LDB2: variants seen among roughly 807,000 people sequenced by gnomAD.
LDB2 encodes LIM domain binding 2.
A neutral mutation model predicts 44.3 loss-of-function variants in LDB2; 12 were observed. The observed-to-expected ratio is 0.27, with a 90% CI of 0.17 to 0.44. LDB2 has a LOEUF of 0.44. Ranked by LOEUF, LDB2 falls within the 20% of genes least tolerant of loss-of-function variation. The pLI, the probability that LDB2 is intolerant of heterozygous loss-of-function variation, is 1.00. For synonymous variants in LDB2, 164 were observed against 174.8 expected, an observed-to-expected ratio of 0.94 and a Z score of 0.49; for missense variants, 344 against 473.5, an observed-to-expected ratio of 0.73 and a Z score of 2.54.
intron 2 of LDB2, among the ~76,000 whole-genome samples, chr4:16,677,688 C>G (rs961621164): frequency 6.6e-6 from 1 of 152,186 alleles, no homozygotes; most frequent in African/African-American, 2.4e-5. Context: ...GTAATTAAGG[C>G]ACTCATGTAA....
chr4:16,506,108 A>C, intron 7 of LDB2: 1 of 954,070 alleles, frequency 1.0e-6, no homozygotes, highest in Admixed American at 2.9e-5. Flanking sequence ...TTTGGACCAG[A>C]CAGTGGATGC....
At chr4:16,788,756 G>A (rs7684043) in intron 1 of LDB2, among the ~76,000 whole-genome samples, 3,603 of 152,274 alleles carry the variant, frequency 0.024, 72 homozygotes, top group South Asian at 0.1. Flanking sequence ...ACTGCCTTGC[G>A]TCGAATGACA....
rs1714864856 is a variant in LDB2, at chr4:16,582,028, AG to A, written c.615+3893del. Among the ~76,000 whole-genome samples the A allele has an allele frequency of 6.6e-6, 1 of 151,456 alleles. No homozygotes were observed. The highest frequency in any genetic ancestry group is 1.5e-5 in the Non-Finnish European group (1 of 67,800). On this transcript the variant is annotated intron_variant, in intron 5 of 7. Transcript: ENST00000304523. The surrounding 1 kb of genome is among the most constrained non-coding windows in gnomAD (Gnocchi z 4.8). ...AAGGAAGGAAGGAAGGAAGGAAGGAAGGAAGGAAGGAAGGAAGGAAGGAAAA... is the reference window on the plus strand; with the variant it reads ...AAGGAAGGAAGGAAGGAAGGAAGGAAGAAGGAAGGAAGGAAGGAAGGAAAA...
At chr4:16,539,022 C>T (rs1025012268) in intron 5 of LDB2, among the ~76,000 whole-genome samples, 16 of 152,120 alleles carry the variant, frequency 1.1e-4, no homozygotes, top group African/African-American at 2.9e-4. Flanking sequence ...ACTCAGTCCC[C>T]AATCTTAAGA....
At chr4:16,642,309 A>G (rs1735427924) in intron 2 of LDB2, among the ~76,000 whole-genome samples, 1 of 152,184 alleles carries the variant, frequency 6.6e-6, no homozygotes, top group Non-Finnish European at 1.5e-5. Flanking sequence ...AACTATGAGA[A>G]TATACTACAG....
At chr4:16,588,664 G>C in intron 4 of LDB2, 46 bp downstream of exon 4, 1 of 1,598,406 alleles carries the variant, frequency 6.3e-7, no homozygotes, top group South Asian at 1.1e-5. Flanking sequence ...TGAAATGAAG[G>C]AGGAAAAAAA....
chr4:16,831,174 C>CTTTTTTTTTTT (rs370309653), intron 1 of LDB2, among the ~76,000 whole-genome samples: 2 of 126,748 alleles, frequency 1.6e-5, no homozygotes, highest in Non-Finnish European at 3.2e-5. Context: ...CCTCTCTGAG[C>CTTTTTTTTTTT]TTTTTTTTTT....
At chr4:16,678,494 G>C (rs1746913381) in intron 2 of LDB2, among the ~76,000 whole-genome samples, 1 of 152,062 alleles carries the variant, frequency 6.6e-6, no homozygotes, top group African/African-American at 2.4e-5. Flanking sequence ...AGGGGTGAAG[G>C]GGGGACCTTG....
chr4:16,564,704 C>T (rs1255288022), intron 5 of LDB2, among the ~76,000 whole-genome samples: 2 of 152,064 alleles, frequency 1.3e-5, no homozygotes, highest in Non-Finnish European at 2.9e-5. Flanking sequence ...ATATTAAAGG[C>T]AGCATCTTCA....
chr4:16,646,565 G>A (rs1402652466), intron 2 of LDB2, among the ~76,000 whole-genome samples: 1 of 152,170 alleles, frequency 6.6e-6, no homozygotes, highest in East Asian at 1.9e-4. Flanking sequence ...TATGGCCTGG[G>A]GAGCCACTGG....
At chr4:16,859,024 G>T (rs969508805) in intron 1 of LDB2, among the ~76,000 whole-genome samples, 3 of 152,080 alleles carry the variant, frequency 2.0e-5, no homozygotes, top group African/African-American at 7.2e-5. Context: ...ACAACAAAAT[G>T]ACATTTCTTG....
At chr4:16,616,975 T>C (rs911276311) in intron 2 of LDB2, among the ~76,000 whole-genome samples, 1 of 152,180 alleles carries the variant, frequency 6.6e-6, no homozygotes, top group Non-Finnish European at 1.5e-5. Context: ...ATTATCCTAC[T>C]CTTTATCCCT....
intron 1 of LDB2, among the ~76,000 whole-genome samples, chr4:16,824,149 C>G (rs1185670374): frequency 6.6e-6 from 1 of 152,128 alleles, no homozygotes; most frequent in East Asian, 1.9e-4. Context: ...GGAGGGCAGA[C>G]CACCGTCCTT....
intron 5 of LDB2, among the ~76,000 whole-genome samples, chr4:16,559,275 G>A (rs1741081789): frequency 6.6e-6 from 1 of 152,136 alleles, no homozygotes; most frequent in African/African-American, 2.4e-5. Context: ...CTGGCAAATT[G>A]GATAAAGAGT....
chr4:16,605,569 C>T (rs1256612158), intron 2 of LDB2, among the ~76,000 whole-genome samples: 1 of 152,212 alleles, frequency 6.6e-6, no homozygotes, highest in African/African-American at 2.4e-5. Context: ...TTAGACCTTA[C>T]AGAATTATCA....
chr4:16,639,352 C>A (rs181761349), intron 2 of LDB2, among the ~76,000 whole-genome samples: 60 of 152,126 alleles, frequency 3.9e-4, no homozygotes, highest in Non-Finnish European at 1.6e-4. Flanking sequence ...GAAACAAAAC[C>A]CAAAGACAGG....
At chr4:16,718,098 A>C (rs1757468667) in intron 2 of LDB2, among the ~76,000 whole-genome samples, 1 of 152,060 alleles carries the variant, frequency 6.6e-6, no homozygotes, top group African/African-American at 2.4e-5. Context: ...TATAAAAGTG[A>C]ATTTTATTGG....
chr4:16,767,806 C>T (rs914827293), intron 1 of LDB2, among the ~76,000 whole-genome samples: 4 of 152,194 alleles, frequency 2.6e-5, no homozygotes, highest in Admixed American at 2.0e-4. Context: ...CTATTACAGT[C>T]CTTAGTCCTT....
intron 1 of LDB2, among the ~76,000 whole-genome samples, chr4:16,831,691 C>T (rs1029259025): frequency 6.6e-6 from 1 of 152,202 alleles, no homozygotes; most frequent in African/African-American, 2.4e-5. Context: ...AGCAAAGGTG[C>T]TAGTTTCTTT....
Sources: allele counts gnomAD v4.1 joint callset (sites outside exome capture counted in the v4.1 genomes callset), GRCh38; gene constraint gnomAD v4.1.1; non-coding constraint Gnocchi (gnomAD v3.1); transcripts MANE v1.5; gene names NCBI Gene and HGNC (gene_info 2026-07-23, HGNC 2026-07-21).